PIK3CB: variants seen among roughly 807,000 people sequenced by gnomAD.
The protein encoded by PIK3CB is phosphatidylinositol-4,5-bisphosphate 3-kinase catalytic subunit beta, also known as phosphatidylinositol 4,5-bisphosphate 3-kinase catalytic subunit beta isoform.
Under a neutral mutation model 136.8 loss-of-function variants are expected in PIK3CB, and 39 were observed. That is an observed-to-expected ratio of 0.29 (90% confidence interval 0.22 to 0.37). PIK3CB has a LOEUF of 0.37. Ranked by LOEUF, PIK3CB falls within the 10% of genes least tolerant of loss-of-function variation. The pLI is 1.00. For synonymous variants in PIK3CB, 428 were observed against 436.6 expected, an observed-to-expected ratio of 0.98 and a Z score of 0.25; for missense variants, 868 against 1,275.4, an observed-to-expected ratio of 0.68 and a Z score of 4.87.
intron 8 of PIK3CB, among the ~76,000 whole-genome samples, chr3:138,719,872 A>G (rs1360181091): frequency 6.6e-6 from 1 of 152,150 alleles, no homozygotes; most frequent in Non-Finnish European, 1.5e-5. Context: ...AAATTCATAT[A>G]AACTCCCAAT....
In PIK3CB at chr3:138,799,518, T is replaced by C. The variant is rs75262823; in HGVS notation, c.-121-2951A>G. On this transcript the variant is annotated intron_variant, in intron 1 of 23. Coordinates refer to ENST00000674063, the MANE Select transcript of PIK3CB (RefSeq NM_006219.3). ...CCTTGTACAGCATAAATCATATCAC[T>C]GGAGTGATCTGCTTAAAACCTTCCA... is the stretch of plus-strand genomic sequence containing the variant. 1.8e-3 allele frequency among the ~76,000 whole-genome samples: 278 copies of C among 152,246 alleles called. 2 individuals are homozygous for C. Among genetic ancestry groups the C allele is most frequent in the African/African-American group, 6.5e-3 (270 of 41,550 alleles).
At chr3:138,812,174 TG>T (rs1200162757) in intron 1 of PIK3CB, among the ~76,000 whole-genome samples, 3 of 150,928 alleles carry the variant, frequency 2.0e-5, no homozygotes, top group Non-Finnish European at 4.4e-5. Flanking sequence ...AACAGATTAG[TG>T]GTTGCCAGAG....
chr3:138,693,968 A>ATATATATATAT (rs2044076800), intron 14 of PIK3CB, among the ~76,000 whole-genome samples: 3 of 59,058 alleles, frequency 5.1e-5, no homozygotes, highest in African/African-American at 1.1e-4. Flanking sequence ...TATATATATT[A>ATATATATATAT]TATATATATA....
At chr3:138,822,999 C>A (rs538821351) in intron 1 of PIK3CB, among the ~76,000 whole-genome samples, 6 of 149,100 alleles carry the variant, frequency 4.0e-5, no homozygotes, top group African/African-American at 1.5e-4. Context: ...CGGCTCACTG[C>A]AGCCTCCGCC....
chr3:138,680,234 TG>T (rs1373902012), intron 19 of PIK3CB, among the ~76,000 whole-genome samples: 1 of 151,822 alleles, frequency 6.6e-6, no homozygotes, highest in East Asian at 1.9e-4. Flanking sequence ...GGTGGGTGCC[TG>T]TAATCCCAGC....
chr3:138,778,704 G>T (rs62282164), intron 2 of PIK3CB: 32 of 215,848 alleles, frequency 1.5e-4, no homozygotes, highest in Non-Finnish European at 8.5e-5. Context: ...TTCAATGTTG[G>T]AGCTGGTATT....
At position 138,668,428 on chromosome 3, in the gene PIK3CB, G is replaced by A. The variant is rs183713385; in HGVS notation, c.2505-3225C>T. 3.0e-3 allele frequency among the ~76,000 whole-genome samples: 449 copies of A among 152,200 alleles called. 5 individuals are homozygous for A. Among genetic ancestry groups the A allele is most frequent in the African/African-American group, 9.1e-3 (376 of 41,518 alleles). On this transcript the variant is annotated intron_variant, in intron 19 of 23. Transcript: ENST00000674063. ...CAGAGAGTTTGACAGAAGTCAAGCT[G>A]GGGACAAACTCTTGGAGCCCTAATC...
intron 19 of PIK3CB, among the ~76,000 whole-genome samples, chr3:138,669,400 CCT>C (rs1363562969): frequency 9.3e-6 from 1 of 106,984 alleles, no homozygotes; most frequent in Non-Finnish European, 1.7e-5. Context: ...ACAGTGAGAC[CCT>C]GTTTCAAAAA....
intron 8 of PIK3CB, among the ~76,000 whole-genome samples, chr3:138,720,398 A>G (rs1257216941): frequency 6.6e-6 from 1 of 151,902 alleles, no homozygotes; most frequent in East Asian, 1.9e-4. Context: ...CTTTCTCCCC[A>G]CTTCTCTAAT....
chr3:138,680,083 G>C (rs2043736467), intron 19 of PIK3CB, among the ~76,000 whole-genome samples: 1 of 151,890 alleles, frequency 6.6e-6, no homozygotes, highest in Non-Finnish European at 1.5e-5. Flanking sequence ...GAAAAGACAG[G>C]GGGCGGCGAC....
At position 138,658,773 on chromosome 3, in the gene PIK3CB, G is replaced by A. The variant is rs143809626; in HGVS notation, c.2797-938C>T. Among the ~76,000 whole-genome samples the A allele has an allele frequency of 4.4e-3, 663 of 152,078 alleles. 7 individuals are homozygous for A. The Middle Eastern group carries it at 0.045, about 10-fold the overall frequency. ...CCTTTTTTCCTTTAGAAAACTGTAC[G>A]CATGTATTCATTCATTCATTTAGCT... is the stretch of plus-strand genomic sequence containing the variant. On this transcript the variant is annotated intron_variant, in intron 21 of 23. Coordinates refer to ENST00000674063, the MANE Select transcript of PIK3CB (RefSeq NM_006219.3).
chr3:138,818,716 G>C (rs1217110391), intron 1 of PIK3CB, among the ~76,000 whole-genome samples: 1 of 152,090 alleles, frequency 6.6e-6, no homozygotes, highest in Non-Finnish European at 1.5e-5. Flanking sequence ...TCCTGCTAAA[G>C]AGCCTTCCCA....
At chr3:138,771,921 C>CA (rs60381827) in intron 2 of PIK3CB, among the ~76,000 whole-genome samples, 69,084 of 114,358 alleles carry the variant, frequency 0.6, 19,489 homozygotes, top group East Asian at 0.97. Context: ...GACTCAGTCT[C>CA]AAAAAAAAAA....
At chr3:138,796,415 A>G (rs896727445) in intron 2 of PIK3CB, 48 bp downstream of exon 2, 11 of 150,978 alleles carry the variant, frequency 7.3e-5, no homozygotes, top group African/African-American at 2.2e-4. Context: ...AAAGATTTAT[A>G]CTCTAACCAA....
intron 1 of PIK3CB, among the ~76,000 whole-genome samples, chr3:138,811,185 G>A (rs1933027703): frequency 7.4e-6 from 1 of 135,436 alleles, no homozygotes; most frequent in Non-Finnish European, 1.5e-5. Context: ...AGAGGTTGCA[G>A]TGAGCCGAGA....
At chr3:138,770,390 C>T (rs1347282688) in intron 2 of PIK3CB, 2 of 152,088 alleles carry the variant, frequency 1.3e-5, no homozygotes, top group South Asian at 4.1e-4. Flanking sequence ...ACAAATTCAA[C>T]CAAAATCATA....
chr3:138,807,480 A>G (rs979626397), intron 1 of PIK3CB, among the ~76,000 whole-genome samples: 2 of 152,180 alleles, frequency 1.3e-5, no homozygotes, highest in Non-Finnish European at 2.9e-5. Flanking sequence ...TATCCATTAC[A>G]GCACTGCTTG....
chr3:138,785,180 G>A (rs1294761814), intron 2 of PIK3CB, among the ~76,000 whole-genome samples: 7 of 150,642 alleles, frequency 4.6e-5, no homozygotes, highest in Middle Eastern at 3.6e-3. Flanking sequence ...CGCCCCGTCC[G>A]GGAGGGAGGT....
At chr3:138,678,797 A>G (rs2043701615) in intron 19 of PIK3CB, among the ~76,000 whole-genome samples, 1 of 152,176 alleles carries the variant, frequency 6.6e-6, no homozygotes, top group South Asian at 2.1e-4. Context: ...GAGGGCACAG[A>G]AGCTAAAAGA....
Sources: allele counts gnomAD v4.1 joint callset (sites outside exome capture counted in the v4.1 genomes callset), GRCh38; gene constraint gnomAD v4.1.1; transcripts MANE v1.5; gene names NCBI Gene and HGNC (gene_info 2026-07-23, HGNC 2026-07-21).